PDK1: variants seen among roughly 807,000 people sequenced by gnomAD.
The protein encoded by PDK1 is pyruvate dehydrogenase kinase 1.
Under a neutral mutation model 54.2 loss-of-function variants are expected in PDK1, and 39 were observed. The observed-to-expected ratio is 0.72, with a 90% CI of 0.56 to 0.94. PDK1 has a LOEUF of 0.94. PDK1 is among the 40% of genes least tolerant of loss of function. The pLI, the probability that PDK1 is intolerant of heterozygous loss-of-function variation, is 0.00. For synonymous variants in PDK1, 221 were observed against 207.1 expected (o/e 1.07, Z -0.58); for missense variants, 552 against 566.0 (o/e 0.98, Z 0.25).
intron 2 of PDK1, among the ~76,000 whole-genome samples, chr2:172,561,028 T>C (rs1484347144): frequency 2.0e-5 from 3 of 152,242 alleles, no homozygotes; most frequent in Admixed American, 1.3e-4. Flanking sequence ...ATGACTGCTA[T>C]ATATATGATA....
the PDK1 span, among the ~76,000 whole-genome samples, chr2:172,666,557 G>T: frequency 1.3e-5 from 2 of 152,200 alleles, no homozygotes; most frequent in African/African-American, 4.8e-5. Context: ...CACAGTCTAA[G>T]CTAATTCTGA....
chr2:172,647,015 G>A, the PDK1 span, among the ~76,000 whole-genome samples: 1 of 152,140 alleles, frequency 6.6e-6, no homozygotes, highest in African/African-American at 2.4e-5. Context: ...GGGATTACAG[G>A]AGTGAACCAC....
the PDK1 span, among the ~76,000 whole-genome samples, chr2:172,658,587 G>T: frequency 6.6e-6 from 1 of 152,262 alleles, no homozygotes; most frequent in African/African-American, 2.4e-5. Flanking sequence ...TTTTCTTCTT[G>T]CAGAGAGCCT....
the PDK1 span, among the ~76,000 whole-genome samples, chr2:172,660,216 C>A: frequency 8.7e-6 from 1 of 114,612 alleles, no homozygotes; most frequent in African/African-American, 3.2e-5. Context: ...GTGTATCGAT[C>A]TATGTAAAAT....
At chr2:172,721,001 CTCTG>C in the PDK1 span, among the ~76,000 whole-genome samples, 258 of 152,316 alleles carry the variant, frequency 1.7e-3, 2 homozygotes, top group African/African-American at 6.0e-3. Context: ...TGAACTGCTT[CTCTG>C]TCTGTGGCTC....
chr2:172,581,102 A>G (rs916072313), intron 8 of PDK1, among the ~76,000 whole-genome samples: 4 of 152,148 alleles, frequency 2.6e-5, no homozygotes, highest in Admixed American at 6.5e-5. Context: ...AATTATTTTT[A>G]TCTTTTTTGA....
chr2:172,631,054 G>A, the PDK1 span, among the ~76,000 whole-genome samples: 1 of 152,160 alleles, frequency 6.6e-6, no homozygotes. Flanking sequence ...CCATTTGGAA[G>A]TCATCTTTAT....
intron 5 of PDK1, among the ~76,000 whole-genome samples, chr2:172,566,426 A>T (rs767675636): frequency 1.3e-5 from 2 of 152,102 alleles, no homozygotes; most frequent in Non-Finnish European, 2.9e-5. Context: ...GTGGTGACCC[A>T]TGCCTACGTA....
chr2:172,702,632 A>G, the PDK1 span, among the ~76,000 whole-genome samples: 28,116 of 147,574 alleles, frequency 0.19, 3,229 homozygotes, highest in African/African-American at 0.32. Context: ...AAATTGGCAG[A>G]TGCTTCCAAG....
the PDK1 span, among the ~76,000 whole-genome samples, chr2:172,655,958 G>A: frequency 2.0e-5 from 3 of 152,136 alleles, no homozygotes; most frequent in Non-Finnish European, 4.4e-5. Flanking sequence ...TGGTTTCTTC[G>A]AAGACACAAA....
chr2:172,596,122 G>A lies in PDK1; in HGVS notation c.*153G>A, dbSNP rs997163210. Reference sequence around the variant, plus strand: ...TGGAAACTGAATTCCATTTGTGCCCGTTAAACCTCCTAAAGGATGAAATTG... The same window carrying A: ...TGGAAACTGAATTCCATTTGTGCCCATTAAACCTCCTAAAGGATGAAATTG... On this transcript the variant is annotated 3_prime_UTR_variant, in exon 11 of 11. Transcript: ENST00000282077. 7.4e-5 allele frequency: 45 copies of A among 607,892 alleles called. No individual in the cohort carries two copies. The highest frequency in any genetic ancestry group is 4.0e-4 in the African/African-American group (22 of 54,394). 37.7% of individuals were successfully genotyped at this position (607,892 alleles called of 1,614,324 possible).
intron 8 of PDK1, among the ~76,000 whole-genome samples, chr2:172,572,689 C>T (rs892935717): frequency 4.6e-5 from 7 of 152,176 alleles, no homozygotes; most frequent in African/African-American, 1.7e-4. Flanking sequence ...TGCACCACTG[C>T]ACTCCAGCCT....
At chr2:172,722,026 T>TA in the PDK1 span, among the ~76,000 whole-genome samples, 1 of 152,244 alleles carries the variant, frequency 6.6e-6, no homozygotes, top group Admixed American at 6.5e-5. Flanking sequence ...CTAGCAAATA[T>TA]AAAATTGCAG....
intron 7 of PDK1, among the ~76,000 whole-genome samples, chr2:172,570,245 C>T (rs1689172283): frequency 6.6e-6 from 1 of 152,310 alleles, no homozygotes; most frequent in African/African-American, 2.4e-5. Flanking sequence ...TTTACAATGA[C>T]AATACCCTTA....
the PDK1 span, among the ~76,000 whole-genome samples, chr2:172,689,884 A>C: frequency 6.6e-6 from 1 of 150,398 alleles, no homozygotes; most frequent in Admixed American, 6.8e-5. Context: ...TTAGACCTAA[A>C]ACCATAAAAA....
At chr2:172,658,180 C>G in the PDK1 span, among the ~76,000 whole-genome samples, 4 of 152,108 alleles carry the variant, frequency 2.6e-5, no homozygotes, top group Non-Finnish European at 5.9e-5. Flanking sequence ...CACTGGGGAC[C>G]AAATTTCAAC....
intron 1 of PDK1, 67 bp downstream of exon 1, chr2:172,556,413 C>T (rs1197592071): frequency 1.6e-6 from 2 of 1,220,902 alleles, no homozygotes; most frequent in East Asian, 3.0e-5. Context: ...GCCGCTGCCC[C>T]AGGCCGGGTC....
chr2:172,674,291 A>G, the PDK1 span: 1 of 152,364 alleles, frequency 6.6e-6, no homozygotes, highest in Non-Finnish European at 1.5e-5. Context: ...CCACGCGTGT[A>G]ACTTTGATGG....
chr2:172,699,792 G>A, the PDK1 span, among the ~76,000 whole-genome samples: 3 of 149,820 alleles, frequency 2.0e-5, no homozygotes, highest in Non-Finnish European at 4.4e-5. Flanking sequence ...TCATCCTTGG[G>A]TGTTTCTCGT....
Sources: gnomAD v4.1 joint callset for allele counts (sites outside exome capture counted in the v4.1 genomes callset) on GRCh38, gnomAD v4.1.1 for gene constraint, MANE v1.5 for transcripts, NCBI Gene and HGNC (gene_info 2026-07-23, HGNC 2026-07-21) for gene names.